The following RBFOX1 variants were observed in gnomAD, a reference collection of about 807,000 sequenced individuals.
RBFOX1 encodes the protein RNA binding protein fox-1 homolog 1.
In RBFOX1, 8 loss-of-function variants were observed where a neutral mutation model predicts 57.7. The ratio of observed to expected loss-of-function variants is 0.14; its 90% CI spans 0.08 to 0.25. RBFOX1 has a LOEUF of 0.25. Ranked by LOEUF, RBFOX1 falls within the 10% of genes least tolerant of loss-of-function variation. RBFOX1 has a pLI of 1.00. For missense variants in RBFOX1, 611 were observed against 548.5 expected, an observed-to-expected ratio of 1.11 and a Z score of -1.14; for synonymous variants, 326 against 222.4, an observed-to-expected ratio of 1.47 and a Z score of -4.15.
At chr16:7,596,094 GTT>G (rs78570087) in intron 8 of RBFOX1, among the ~76,000 whole-genome samples, 5 of 137,708 alleles carry the variant, frequency 3.6e-5, no homozygotes, top group African/African-American at 1.1e-4. Context: ...TTTTTTGTTT[GTT>G]TTTTTTTGTT....
chr16:6,662,134 G>A (rs980329952), intron 3 of RBFOX1, among the ~76,000 whole-genome samples: 4 of 81,412 alleles, frequency 4.9e-5, no homozygotes, highest in East Asian at 6.5e-4. Context: ...GCTGGGGGCG[G>A]GGTGAAAAAA....
At chr16:6,691,766 G>A (rs2060245235) in intron 3 of RBFOX1, among the ~76,000 whole-genome samples, 1 of 152,196 alleles carries the variant, frequency 6.6e-6, no homozygotes, top group Non-Finnish European at 1.5e-5. Context: ...ATTAAGTTGA[G>A]GACCTTGGAT....
chr16:6,576,129 T>A (rs183743590), intron 2 of RBFOX1, among the ~76,000 whole-genome samples: 2 of 152,168 alleles, frequency 1.3e-5, no homozygotes, highest in African/African-American at 4.8e-5. Flanking sequence ...TAGCATCTAC[T>A]TTATCAGTTT....
intron 4 of RBFOX1, among the ~76,000 whole-genome samples, chr16:7,111,966 G>T (rs1225740939): frequency 2.6e-5 from 4 of 152,080 alleles, no homozygotes; most frequent in African/African-American, 9.7e-5. Flanking sequence ...AATTATTGGA[G>T]GCTTAACCCT....
At chr16:5,803,755 A>T (rs1276208293) in intron 3 of RBFOX1, among the ~76,000 whole-genome samples, 1 of 152,100 alleles carries the variant, frequency 6.6e-6, no homozygotes, top group East Asian at 1.9e-4. Context: ...TACCTTCTTG[A>T]TCCCCTTTCT....
intron 2 of RBFOX1, among the ~76,000 whole-genome samples, chr16:6,502,819 A>C (rs2095976639): frequency 6.6e-6 from 1 of 152,090 alleles, no homozygotes; most frequent in Non-Finnish European, 1.5e-5. Context: ...TTGGCATTCT[A>C]TTCTATTCTC....
chr16:7,219,578 T>C (rs2152840164), intron 4 of RBFOX1, among the ~76,000 whole-genome samples: 1 of 152,324 alleles, frequency 6.6e-6, no homozygotes, highest in South Asian at 2.1e-4. Flanking sequence ...CCAGAAAATA[T>C]GAGGCATAGC....
rs191547309 is a variant in RBFOX1 at position 6,059,728 on chromosome 16, C to G, written c.-127+39736C>G. 3.0e-4 allele frequency among the ~76,000 whole-genome samples: 46 copies of G among 152,194 alleles called. 1 individual carries two copies. Among genetic ancestry groups the G allele is most frequent in the African/African-American group, 1.0e-3 (43 of 41,520 alleles). ...TTACTTTTAGAAGCTGAAACAGGGC[C>G]TCTACCATCTGTTTATCTATTTCAG... On this transcript the variant is annotated intron_variant, in intron 1 of 15. Coordinates refer to ENST00000550418, the MANE Select transcript of RBFOX1 (RefSeq NM_018723.4).
At chr16:6,043,356 C>G (rs1198366937) in intron 1 of RBFOX1, among the ~76,000 whole-genome samples, 1 of 152,062 alleles carries the variant, frequency 6.6e-6, no homozygotes, top group Non-Finnish European at 1.5e-5. Flanking sequence ...GAAAAGACAG[C>G]TTTGCAGGGT....
At chr16:6,709,193 G>T (rs2063312972) in intron 3 of RBFOX1, among the ~76,000 whole-genome samples, 1 of 152,090 alleles carries the variant, frequency 6.6e-6, no homozygotes, top group African/African-American at 2.4e-5. Context: ...TTTAAGGCCT[G>T]TTTTTAAAAG....
At chr16:5,723,998 C>T (rs1302312975) in intron 3 of RBFOX1, among the ~76,000 whole-genome samples, 9 of 143,520 alleles carry the variant, frequency 6.3e-5, no homozygotes, top group South Asian at 2.4e-4. Flanking sequence ...AGAAGAGTGT[C>T]GGTGTATAGC....
chr16:5,702,081 G>A (rs961580575), intron 3 of RBFOX1, among the ~76,000 whole-genome samples: 1 of 152,164 alleles, frequency 6.6e-6, no homozygotes, highest in Admixed American at 6.5e-5. Flanking sequence ...AGGAGGTGGG[G>A]AATTGGCTGG....
In RBFOX1 at chr16:6,019,662, C is replaced by G. The variant is rs543984071; in HGVS notation, c.-457C>G. 9 of 1,302,736 alleles carry G rather than the reference C, an allele frequency of 6.9e-6. No homozygotes were observed. The highest frequency in any genetic ancestry group is 3.9e-6 in the Non-Finnish European group (4 of 1,025,524). The allele number at this position is 1,302,736 out of a possible 1,614,324, so 80.7% of individuals were successfully genotyped here. The stretch of plus-strand genomic sequence containing the variant: ...GGACAGCCAGCCGTGGGCCCCGCCC[C>G]GGCGTCCGGAGCAGGAGAACTCCGA... On this transcript the variant is annotated 5_prime_UTR_variant, in exon 1 of 16. Coordinates refer to ENST00000550418, the MANE Select transcript of RBFOX1 (RefSeq NM_018723.4). This position sits in a 1 kb window ranked among gnomAD's most constrained non-coding sequence, Gnocchi z 4.2.
intron 4 of RBFOX1, among the ~76,000 whole-genome samples, chr16:7,099,983 C>G (rs977499085): frequency 2.6e-5 from 4 of 151,932 alleles, no homozygotes; most frequent in African/African-American, 9.7e-5. Context: ...CCTCAGTTCT[C>G]ATCATGGTCT....
chr16:6,433,087 G>A (rs1382864384), intron 2 of RBFOX1, among the ~76,000 whole-genome samples: 5 of 152,214 alleles, frequency 3.3e-5, no homozygotes, highest in Non-Finnish European at 5.9e-5. Flanking sequence ...GAGAAAGTCA[G>A]GGGAGAAAGT....
At chr16:5,526,719 C>T (rs1474524205) in intron 2 of RBFOX1, among the ~76,000 whole-genome samples, 1 of 152,190 alleles carries the variant, frequency 6.6e-6, no homozygotes, top group African/African-American at 2.4e-5. Context: ...CCCTGCTGTG[C>T]CCCTCTCCCC....
intron 3 of RBFOX1, among the ~76,000 whole-genome samples, chr16:5,817,697 G>A (rs1597369612): frequency 7.8e-6 from 1 of 128,032 alleles, no homozygotes; most frequent in African/African-American, 2.9e-5. Context: ...CTTGTGGGCT[G>A]TATTTTTTTT....
chr16:7,534,790 GC>G (rs5815407), intron 5 of RBFOX1, among the ~76,000 whole-genome samples: 137,720 of 152,174 alleles, frequency 0.91, 62,680 homozygotes, highest in Non-Finnish European at 0.94. Flanking sequence ...GTTTTAGGGG[GC>G]CCTTAATTCT....
chr16:6,756,239 T>C (rs542236325), intron 3 of RBFOX1, among the ~76,000 whole-genome samples: 1 of 152,078 alleles, frequency 6.6e-6, no homozygotes, highest in East Asian at 1.9e-4. Context: ...CCCTCTTCAA[T>C]AAGTAGTGCT....
Sources: allele counts gnomAD v4.1 joint callset (sites outside exome capture counted in the v4.1 genomes callset), GRCh38; gene constraint gnomAD v4.1.1; non-coding constraint Gnocchi (gnomAD v3.1); transcripts MANE v1.5; gene names NCBI Gene and HGNC (gene_info 2026-07-23, HGNC 2026-07-21).